Variants in NAV2 observed in about 807,000 individuals in gnomAD.
NAV2 encodes the protein helicase, APC down-regulated 1.
A neutral mutation model predicts 223.2 loss-of-function variants in NAV2; 54 were observed. That is an observed-to-expected ratio of 0.24 (90% CI 0.19 to 0.30). The LOEUF (loss-of-function observed/expected upper bound fraction) is 0.30. Ranked by LOEUF, NAV2 falls within the 10% of genes least tolerant of loss-of-function variation. NAV2 has a pLI of 1.00. For missense variants in NAV2, 2,806 were observed against 3,147.5 expected (o/e 0.89, Z 2.60); for synonymous variants, 1,279 against 1,239.3 (o/e 1.03, Z -0.67).
At chr11:19,940,006 T>A (rs1374808719) in intron 8 of NAV2, among the ~76,000 whole-genome samples, 1 of 152,104 alleles carries the variant, frequency 6.6e-6, no homozygotes, top group Non-Finnish European at 1.5e-5. Flanking sequence ...TAAACAAGTC[T>A]CTTACTGGTG....
intron 3 of NAV2, among the ~76,000 whole-genome samples, chr11:19,851,557 C>T (rs893432734): frequency 2.6e-5 from 4 of 151,946 alleles, no homozygotes; most frequent in Non-Finnish European, 5.9e-5. Flanking sequence ...ATGGAAGCTA[C>T]CTTCTAGGGT....
At chr11:19,407,848 C>G (rs571992756) in intron 1 of NAV2, among the ~76,000 whole-genome samples, 1 of 152,102 alleles carries the variant, frequency 6.6e-6, no homozygotes, top group African/African-American at 2.4e-5. Flanking sequence ...CATGATAATG[C>G]GTGTTGTCCT....
intron 1 of NAV2, among the ~76,000 whole-genome samples, chr11:19,747,986 C>A (rs1244535753): frequency 6.6e-6 from 1 of 152,154 alleles, no homozygotes; most frequent in African/African-American, 2.4e-5. Context: ...CCCAGGAAAC[C>A]CTGAGCACAT....
At chr11:19,915,427 C>T (rs1010915073) in intron 6 of NAV2, among the ~76,000 whole-genome samples, 7 of 152,198 alleles carry the variant, frequency 4.6e-5, no homozygotes, top group Non-Finnish European at 8.8e-5. Flanking sequence ...TATAAGACTC[C>T]GTGAGCTGGC....
At chr11:19,453,596 G>A (rs1479285545) in intron 1 of NAV2, among the ~76,000 whole-genome samples, 2 of 152,144 alleles carry the variant, frequency 1.3e-5, no homozygotes, top group African/African-American at 4.8e-5. Flanking sequence ...TGTCATCTAT[G>A]TGGCCTTGCC....
intron 1 of NAV2, among the ~76,000 whole-genome samples, chr11:19,472,190 A>G (rs2041985191): frequency 6.6e-6 from 1 of 152,138 alleles, no homozygotes; most frequent in Non-Finnish European, 1.5e-5. Context: ...CTCTTATAGT[A>G]AGCTGGAGGT....
rs1381347061 is a variant in NAV2, at chr11:19,895,075, T to TTTTCTTTC, written c.931+2485_931+2492dup. Among the ~76,000 whole-genome samples, 99 of 151,116 alleles carry TTTTCTTTC rather than the reference T, an allele frequency of 6.6e-4. 1 individual carries two copies. In the South Asian group the frequency reaches 0.02, roughly 31 times the overall value. On this transcript the variant is annotated intron_variant, in intron 6 of 37. Coordinates refer to ENST00000349880, the MANE Select transcript of NAV2 (RefSeq NM_145117.5). ...GCATATTATATGCCAGGAACTTTGA[T>TTTTCTTTC]TTTCTTTCTTTTCTTTTTCTTTTTC...
At chr11:19,908,075 C>G (rs1190505944) in intron 6 of NAV2, among the ~76,000 whole-genome samples, 1 of 152,194 alleles carries the variant, frequency 6.6e-6, no homozygotes, top group East Asian at 1.9e-4. Flanking sequence ...ATCTTGGCAA[C>G]CGGAATGGCC....
At chr11:19,457,374 C>T (rs550169555) in intron 1 of NAV2, among the ~76,000 whole-genome samples, 3 of 152,218 alleles carry the variant, frequency 2.0e-5, no homozygotes, top group South Asian at 4.1e-4. Flanking sequence ...GTGAAGACCT[C>T]GGGACCTGAA....
chr11:19,714,556 C>G (rs1465635577), intron 1 of NAV2: 1 of 439,176 alleles, frequency 2.3e-6, no homozygotes, highest in Admixed American at 2.4e-5. Flanking sequence ...ACTAGTGCAC[C>G]AGCTGAGGCC....
intron 4 of NAV2, among the ~76,000 whole-genome samples, chr11:19,875,182 A>C (rs975810097): frequency 6.6e-6 from 1 of 152,130 alleles, no homozygotes; most frequent in South Asian, 2.1e-4. Flanking sequence ...AGATGCAAAA[A>C]TCTATATACA....
intron 1 of NAV2, among the ~76,000 whole-genome samples, chr11:19,364,028 G>A (rs1016285296): frequency 1.3e-5 from 2 of 152,058 alleles, no homozygotes. Context: ...CACAACACAG[G>A]CATGATTAAC....
chr11:20,062,973 G>A (rs973012956), intron 20 of NAV2, among the ~76,000 whole-genome samples: 8 of 152,204 alleles, frequency 5.3e-5, no homozygotes, highest in Non-Finnish European at 8.8e-5. Flanking sequence ...CATTACAGGC[G>A]TGAGCCATGG....
At chr11:19,527,215 T>C (rs1275565552) in intron 1 of NAV2, among the ~76,000 whole-genome samples, 2 of 152,114 alleles carry the variant, frequency 1.3e-5, no homozygotes, top group African/African-American at 4.8e-5. Context: ...AATGAATAAG[T>C]CTCACGAGAT....
intron 1 of NAV2, among the ~76,000 whole-genome samples, chr11:19,517,099 G>A (rs1257044548): frequency 1.3e-5 from 2 of 152,022 alleles, no homozygotes; most frequent in Non-Finnish European, 2.9e-5. Context: ...GAGAAAGGAT[G>A]TGGATTGGTG....
chr11:19,911,506 T>C (rs910348279), intron 6 of NAV2, among the ~76,000 whole-genome samples: 1 of 152,170 alleles, frequency 6.6e-6, no homozygotes, highest in African/African-American at 2.4e-5. Context: ...GGTGCTAGAC[T>C]CCAAGTTTTG....
rs1056795980 is a variant in NAV2 at position 20,006,599 on chromosome 11, C to G, written c.2768+22352C>G. 2.0e-5 allele frequency among the ~76,000 whole-genome samples: 3 copies of G among 152,126 alleles called. No homozygotes were observed. The East Asian group carries it at 5.8e-4, about 30-fold the overall frequency. ...CTGAGGCAGGAGAATCACTTGAACCCGGGAGGCGGAGGTTGCAGTGAGCCA... is the reference window on the plus strand; with the variant it reads ...CTGAGGCAGGAGAATCACTTGAACCGGGGAGGCGGAGGTTGCAGTGAGCCA... On this transcript the variant is annotated intron_variant, in intron 11 of 37. Transcript: ENST00000349880.
intron 1 of NAV2, among the ~76,000 whole-genome samples, chr11:19,371,560 C>T (rs2133860423): frequency 6.6e-6 from 1 of 152,240 alleles, no homozygotes; most frequent in East Asian, 1.9e-4. Context: ...TGTTTGTTAC[C>T]ATAATTCTAG....
chr11:19,767,641 G>T (rs77284012), intron 1 of NAV2, among the ~76,000 whole-genome samples: 2,547 of 152,242 alleles, frequency 0.017, 78 homozygotes, highest in African/African-American at 0.058. Context: ...CCCAGTGTTC[G>T]CATGCATATC....
Sources: gnomAD v4.1 joint callset for allele counts (sites outside exome capture counted in the v4.1 genomes callset) on GRCh38, gnomAD v4.1.1 for gene constraint, MANE v1.5 for transcripts, NCBI Gene and HGNC (gene_info 2026-07-23, HGNC 2026-07-21) for gene names.